The following COL18A1 variants were observed in gnomAD, a reference collection of about 807,000 sequenced individuals.
COL18A1 encodes collagen alpha-1(XVIII) chain.
In COL18A1, 133 loss-of-function variants were observed where a neutral mutation model predicts 168.0. The ratio of observed to expected loss-of-function variants is 0.79; its 90% CI spans 0.69 to 0.91. COL18A1 has a LOEUF of 0.91. Ranked by LOEUF, COL18A1 falls within the 40% of genes least tolerant of loss-of-function variation. The probability of loss-of-function intolerance (pLI) is 0.00; values close to 1 mark genes in which losing one functional copy is unlikely to be tolerated. For missense variants in COL18A1, 2,126 were observed against 1,925.4 expected (o/e 1.10, Z -1.95); for synonymous variants, 949 against 809.0 (o/e 1.17, Z -2.94).
intron 2 of COL18A1, among the ~76,000 whole-genome samples, chr21:45,465,709 C>T (rs116211618): frequency 0.029 from 4,434 of 152,204 alleles, 230 homozygotes; most frequent in African/African-American, 0.1. Flanking sequence ...TCCTCAGGAG[C>T]CCTTCAAAGG....
chr21:45,486,313 C>G (rs981667149), intron 15 of COL18A1, among the ~76,000 whole-genome samples: 2 of 139,598 alleles, frequency 1.4e-5, no homozygotes, highest in Non-Finnish European at 3.1e-5. Context: ...CTCCTCTCTC[C>G]TCTCTTCTCC....
intron 2 of COL18A1, among the ~76,000 whole-genome samples, chr21:45,464,463 C>A (rs2035136991): frequency 1.3e-5 from 2 of 152,140 alleles, no homozygotes. Flanking sequence ...CCGTGTCCAT[C>A]CCCCCATGGG....
rs776751637 is a variant in COL18A1 at position 45,505,223 on chromosome 21, T to TCCCGGCCCC, written c.2961_2969dup (p.Gly994_Pro996dup). On this transcript the variant is annotated inframe_insertion, in exon 35 of 42. Transcript: ENST00000651438. ...TCGGCTACGAGGGGCGCCAGGGCCCTCCCGGCCCCCCAGGCCCCCCAGGGC... is the reference window on the plus strand; with the variant it reads ...TCGGCTACGAGGGGCGCCAGGGCCCTCCCGGCCCCCCCGGCCCCCCAGGCCCCCCAGGGC... The TCCCGGCCCC allele has an allele frequency of 3.8e-6, 6 of 1,580,680 alleles. No homozygotes were observed. The African/African-American group carries it at 4.4e-5, about 11-fold the overall frequency.
intron 2 of COL18A1, chr21:45,456,160 G>A (rs765071259): frequency 1.3e-6 from 2 of 1,588,330 alleles, no homozygotes; most frequent in Non-Finnish European, 1.7e-6. Context: ...GGCCCTCAGT[G>A]CCACCACCAT....
rs772118023 is a variant in COL18A1 at position 45,510,232 on chromosome 21, C to G, written c.3664C>G (p.Arg1222Gly). 5.0e-6 allele frequency: 8 copies of G among 1,606,260 alleles called. No homozygotes were observed. The highest frequency in any genetic ancestry group is 1.7e-5 in the Admixed American group (1 of 59,386). ...GTACAGCATCGTGCGCCGTGCCGACCGCGCAGCCGTGCCCATCGTCAACCT... is the reference window on the plus strand; with the variant it reads ...GTACAGCATCGTGCGCCGTGCCGACGGCGCAGCCGTGCCCATCGTCAACCT... ...DLYSIVRRAD[R>G]AAVPIVNLKD... Residue 1222 changes from arginine to glycine, a missense_variant, in exon 40 of 42, where the codon CGC becomes GGC. Transcript: ENST00000651438.
chr21:45,438,147 CAG>C (rs1569289199), intron 2 of COL18A1, among the ~76,000 whole-genome samples: 1 of 103,822 alleles, frequency 9.6e-6, no homozygotes, highest in Non-Finnish European at 1.9e-5. Context: ...CACACTCACT[CAG>C]ACACAGGCAC....
Position 45,511,205 on chromosome 21 carries a change from A to G in COL18A1, c.3788A>G (p.Asp1263Gly). ...CGCATCTTCTCCTTTGACGGCAAGG[A>G]CGTCCTGAGGCACCCCACCTGGTAG... ...GARIFSFDGK[D>G]VLRHPTWPQK... Residue 1263 changes from aspartate (D) to glycine (G), a missense_variant, in exon 41 of 42, where the codon GAC (aspartate) becomes GGC (glycine). Asp to Gly is a moderately conservative substitution (Grantham distance 94). Transcript: ENST00000651438. 6.3e-7 allele frequency: 1 copy of G among 1,588,708 alleles called. No individual in the cohort carries two copies. The highest frequency in any genetic ancestry group is 8.6e-7 in the Non-Finnish European group (1 of 1,165,890).
At chr21:45,477,585 C>T in intron 7 of COL18A1, 98 bp downstream of exon 7, 2 of 1,324,254 alleles carry the variant, frequency 1.5e-6, no homozygotes, top group South Asian at 1.3e-5. Context: ...CCCCTCTGTG[C>T]CCGTGCCTCC....
rs1158071523 is a variant in COL18A1 at position 45,443,430 on chromosome 21, C to T, written c.107-24812C>T. 6.6e-6 allele frequency among the ~76,000 whole-genome samples: 1 copy of T among 152,144 alleles called. No individual in the cohort carries two copies. The highest frequency in any genetic ancestry group is 1.5e-5 in the Non-Finnish European group (1 of 68,008). ...TGAAAGGCCGCCCGTGCCTTTCCTC[C>T]TTGGCCCTCACAGCCCAGCTCGGCA... On this transcript the variant is annotated intron_variant, in intron 2 of 41. Coordinates refer to ENST00000651438, the MANE Select transcript of COL18A1 (RefSeq NM_001379500.1). The surrounding 1 kb of genome is among the most constrained non-coding windows in gnomAD (Gnocchi z 5.2).
chr21:45,491,656 C>G (rs2036358344), intron 22 of COL18A1, among the ~76,000 whole-genome samples: 1 of 152,206 alleles, frequency 6.6e-6, no homozygotes, highest in Non-Finnish European at 1.5e-5. Context: ...TCAGAAGAAG[C>G]AGATGCACCC....
rs1205411020 is a variant in COL18A1 at position 45,493,224 on chromosome 21, A to G, written c.2276A>G (p.Lys759Arg). The G allele has an allele frequency of 3.0e-5, 47 of 1,557,172 alleles. No homozygotes were observed. Among genetic ancestry groups the G allele is most frequent in the Non-Finnish European group, 4.0e-5 (46 of 1,150,456 alleles). The part of the protein sequence containing the change: ...SKGERGSPGP[K>R]GEKGEPGSIF... ...GGCGAACGAGGCTCCCCGGGACCCA[A>G]GGTAAGGGGCTCAGGTGCTGTCCCT... Residue 759 changes from lysine (K) to arginine (R), a missense_variant and splice_region_variant, in exon 25 of 42, where the codon AAG becomes AGG. By Grantham distance (26) the Lys-to-Arg change is conservative. Coordinates refer to ENST00000651438, the MANE Select transcript of COL18A1 (RefSeq NM_001379500.1).
intron 2 of COL18A1, among the ~76,000 whole-genome samples, chr21:45,427,442 C>T (rs1214923279): frequency 6.6e-6 from 1 of 152,162 alleles, no homozygotes; most frequent in Non-Finnish European, 1.5e-5. Flanking sequence ...CTGCCTCAGG[C>T]CTCTTGACCC....
At chr21:45,459,512 C>G (rs895760304) in intron 2 of COL18A1, among the ~76,000 whole-genome samples, 2 of 152,236 alleles carry the variant, frequency 1.3e-5, no homozygotes, top group Non-Finnish European at 2.9e-5. Flanking sequence ...CCCTCCACCT[C>G]GTCCTGGGCA....
At chr21:45,480,678 A>G in intron 12 of COL18A1, 22 bp from the exon 13 acceptor site, 1 of 1,610,838 alleles carries the variant, frequency 6.2e-7, no homozygotes. Flanking sequence ...GGCTGTGACT[A>G]TCTGTGTTCG....
At chr21:45,411,817 G>A (rs752590083) in intron 2 of COL18A1, among the ~76,000 whole-genome samples, 4 of 148,662 alleles carry the variant, frequency 2.7e-5, no homozygotes, top group South Asian at 2.1e-4. Flanking sequence ...GGAGGGCCTC[G>A]CTTCTGATGG....
chr21:45,479,536 C>T (rs9980080), intron 9 of COL18A1, among the ~76,000 whole-genome samples: 29,425 of 151,166 alleles, frequency 0.19, 3,002 homozygotes, highest in Middle Eastern at 0.26. Context: ...TACATGCACA[C>T]TCACACATCA....
At chr21:45,410,902 C>T (rs2033270218) in intron 2 of COL18A1, among the ~76,000 whole-genome samples, 1 of 152,256 alleles carries the variant, frequency 6.6e-6, no homozygotes, top group African/African-American at 2.4e-5. Context: ...GGAAGAGCCT[C>T]TGATTCGGCT....
At chr21:45,479,846 G>C in intron 9 of COL18A1, 56 bp from the exon 10 acceptor site, 1 of 1,610,024 alleles carries the variant, frequency 6.2e-7, no homozygotes, top group Non-Finnish European at 8.5e-7. Flanking sequence ...TGAGAGTGCT[G>C]GGTGCGGCCC....
At chr21:45,467,363 G>A (rs1381059319) in intron 2 of COL18A1, 4 of 985,450 alleles carry the variant, frequency 4.1e-6, no homozygotes, top group Non-Finnish European at 4.8e-6. Flanking sequence ...GTCACCCGGC[G>A]CTGTGGGGCA....
Sources: gnomAD v4.1 joint callset for allele counts (sites outside exome capture counted in the v4.1 genomes callset) on GRCh38, gnomAD v4.1.1 for gene constraint, Gnocchi (gnomAD v3.1) non-coding constraint, MANE v1.5 for transcripts, NCBI Gene and HGNC (gene_info 2026-07-23, HGNC 2026-07-21) for gene names.